WWP2: variants seen among roughly 807,000 people sequenced by gnomAD.
The protein encoded by WWP2 is WW domain containing E3 ubiquitin protein ligase 2, also known as NEDD4-like E3 ubiquitin-protein ligase WWP2.
In WWP2, 57 loss-of-function variants were observed where a neutral mutation model predicts 121.0. The observed-to-expected ratio is 0.47, with a 90% CI of 0.38 to 0.59. The LOEUF is 0.59. Ranked by LOEUF, WWP2 falls within the 20% of genes least tolerant of loss-of-function variation. WWP2 has a pLI of 0.00. For missense variants in WWP2, 962 were observed against 1,158.9 expected, an observed-to-expected ratio of 0.83 and a Z score of 2.47; for synonymous variants, 449 against 441.3, an observed-to-expected ratio of 1.02 and a Z score of -0.22.
chr16:69,792,030 G>C (rs759718067), intron 2 of WWP2, among the ~76,000 whole-genome samples: 6 of 152,086 alleles, frequency 3.9e-5, no homozygotes, highest in Admixed American at 2.6e-4. Flanking sequence ...ATGGTGGGGG[G>C]AAAGAGAAAG....
intron 2 of WWP2, among the ~76,000 whole-genome samples, chr16:69,798,480 A>ATG (rs1394606770): frequency 1.8e-4 from 25 of 138,674 alleles, no homozygotes; most frequent in African/African-American, 6.3e-4. Flanking sequence ...CAGGTTAGGG[A>ATG]TTTTTTTTTT....
intron 4 of WWP2, among the ~76,000 whole-genome samples, chr16:69,801,601 T>C (rs1043778597): frequency 2.6e-5 from 4 of 151,874 alleles, no homozygotes; most frequent in Non-Finnish European, 5.9e-5. Context: ...TAGTGGCTAT[T>C]TATAGGCACG....
chr16:69,809,450 T>C (rs1723890995), intron 4 of WWP2, among the ~76,000 whole-genome samples: 3 of 151,752 alleles, frequency 2.0e-5, no homozygotes, highest in African/African-American at 7.3e-5. Context: ...CAGGAGGGAA[T>C]TCTAGGATGA....
Position 69,937,517 on chromosome 16 carries a change from G to A in WWP2, c.2239-31G>A. 1 of 1,611,276 alleles carries A rather than the reference G, an allele frequency of 6.2e-7. No individual in the cohort carries two copies. The stretch of plus-strand genomic sequence containing the variant: ...GTGGACGATGCGCGGGGAGGGACCT[G>A]CCGGGGATGCTGACTGCCGCCTCTC... On this transcript the variant is annotated intron_variant, in intron 20 of 23. Transcript: ENST00000359154. The surrounding 1 kb of genome is among the most constrained non-coding windows in gnomAD (Gnocchi z 6.6).
intron 4 of WWP2, among the ~76,000 whole-genome samples, chr16:69,837,700 C>G (rs2056901254): frequency 6.6e-6 from 1 of 152,150 alleles, no homozygotes; most frequent in Non-Finnish European, 1.5e-5. Context: ...TTTGAGGTAT[C>G]AGGACAGGAA....
chr16:69,781,207 G>T (rs558464665), intron 1 of WWP2, among the ~76,000 whole-genome samples: 1 of 152,086 alleles, frequency 6.6e-6, no homozygotes, highest in Non-Finnish European at 1.5e-5. Context: ...GGCCTGTGTG[G>T]CAGTAATCAC....
intron 6 of WWP2, among the ~76,000 whole-genome samples, chr16:69,849,809 TAAAA>T (rs141237458): frequency 6.7e-6 from 1 of 149,876 alleles, no homozygotes; most frequent in South Asian, 2.1e-4. Context: ...CCCTGTCTCT[TAAAA>T]AAAAAATCAT....
intron 2 of WWP2, among the ~76,000 whole-genome samples, chr16:69,788,641 A>G (rs1426774550): frequency 1.3e-5 from 2 of 152,136 alleles, no homozygotes; most frequent in Admixed American, 1.3e-4. Context: ...CACCTTTCTC[A>G]TTGACTTCAT....
At chr16:69,849,518 T>TCATTCATTC (rs2057160874) in intron 6 of WWP2, among the ~76,000 whole-genome samples, 1 of 93,454 alleles carries the variant, frequency 1.1e-5, no homozygotes, top group African/African-American at 4.1e-5. Flanking sequence ...TTCATTCAGT[T>TCATTCATTC]ATAATTAAGA....
At chr16:69,840,088 C>T (rs905614773) in intron 4 of WWP2, 38 bp from the exon 5 acceptor site, 14 of 1,609,144 alleles carry the variant, frequency 8.7e-6, no homozygotes, top group Non-Finnish European at 1.2e-5. Flanking sequence ...GGGGTGCATT[C>T]TCTTTAGCCC....
At chr16:69,909,815 C>T in intron 9 of WWP2, 1 of 585,058 alleles carries the variant, frequency 1.7e-6, no homozygotes, top group African/African-American at 2.0e-5. Flanking sequence ...AATAATGTTA[C>T]AAACCCCCAC....
chr16:69,775,060 AATGTGTATTT>A (rs1181352806), intron 1 of WWP2: 3 of 152,160 alleles, frequency 2.0e-5, no homozygotes, highest in Non-Finnish European at 2.9e-5. Flanking sequence ...AGAAACAGAT[AATGTGTATTT>A]ATGTTTAGGT....
chr16:69,936,718 T>C, intron 19 of WWP2: 1 of 538,550 alleles, frequency 1.9e-6, no homozygotes, highest in Non-Finnish European at 3.3e-6. Context: ...TGAAGTGGCA[T>C]CAAGCTGAGA....
At chr16:69,865,439 T>G (rs2057503732) in intron 6 of WWP2, among the ~76,000 whole-genome samples, 1 of 152,202 alleles carries the variant, frequency 6.6e-6, no homozygotes, top group South Asian at 2.1e-4. Flanking sequence ...TAAAATTCCT[T>G]TATCAGACAT....
chr16:69,795,804 C>T (rs561497297), intron 2 of WWP2, among the ~76,000 whole-genome samples: 7 of 151,742 alleles, frequency 4.6e-5, no homozygotes, highest in Admixed American at 2.6e-4. Context: ...TGCCCCACCA[C>T]GCCCAGCTAG....
rs531990836 is a variant in WWP2 at position 69,821,503 on chromosome 16, C to T, written c.341-18623C>T. 2.0e-4 allele frequency among the ~76,000 whole-genome samples: 31 copies of T among 152,292 alleles called. 1 individual carries two copies. The South Asian group carries it at 6.0e-3, about 30-fold the overall frequency. Reference sequence around the variant, plus strand: ...TCTGTCAGGATTCCCTTCCCCTGGTCCAGGCTGCTGCCTCCAGAGTGTTCT... The same window carrying T: ...TCTGTCAGGATTCCCTTCCCCTGGTTCAGGCTGCTGCCTCCAGAGTGTTCT... On this transcript the variant is annotated intron_variant, in intron 4 of 23. Transcript: ENST00000359154.
At chr16:69,866,800 GTATT>G (rs10525822) in intron 6 of WWP2, among the ~76,000 whole-genome samples, 82,790 of 139,406 alleles carry the variant, frequency 0.59, 25,217 homozygotes, top group Non-Finnish European at 0.65. Flanking sequence ...TTTCAGTTCC[GTATT>G]TATTTATTTA....
At chr16:69,807,111 C>A (rs377611042) in intron 4 of WWP2, among the ~76,000 whole-genome samples, 1 of 151,898 alleles carries the variant, frequency 6.6e-6, no homozygotes, top group South Asian at 2.1e-4. Flanking sequence ...TCACTGCAAC[C>A]TCTGCCTCCT....
rs2055665175 is a variant in WWP2, at chr16:69,781,583, A to G, written c.-15-5413A>G. Among the ~76,000 whole-genome samples the G allele has an allele frequency of 2.0e-5, 3 of 152,138 alleles. No individual in the cohort carries two copies. The South Asian group carries it at 6.2e-4, about 32-fold the overall frequency. The stretch of plus-strand genomic sequence containing the variant: ...AGGCTGGTCTTGAACTCCTGAGCAC[A>G]AGGTGATCCGCCCGCCTCAGCCTCC... On this transcript the variant is annotated intron_variant, in intron 1 of 23. Coordinates refer to ENST00000359154, the MANE Select transcript of WWP2 (RefSeq NM_001270454.2).
Sources: gnomAD v4.1 joint callset for allele counts (sites outside exome capture counted in the v4.1 genomes callset) on GRCh38, gnomAD v4.1.1 for gene constraint, Gnocchi (gnomAD v3.1) non-coding constraint, MANE v1.5 for transcripts, NCBI Gene and HGNC (gene_info 2026-07-23, HGNC 2026-07-21) for gene names.